VPS13D: variants seen among roughly 807,000 people sequenced by gnomAD.
VPS13D encodes intermembrane lipid transfer protein VPS13D.
A neutral mutation model predicts 461.9 loss-of-function variants in VPS13D; 187 were observed. The observed-to-expected ratio is 0.40, with a 90% CI of 0.36 to 0.46. The LOEUF (loss-of-function observed/expected upper bound fraction) is 0.46. Among genes scored for constraint, VPS13D ranks in the 20% least tolerant of loss-of-function variants. VPS13D has a pLI of 0.60. For missense variants in VPS13D, 4,711 were observed against 5,364.9 expected (o/e 0.88, Z 3.81); for synonymous variants, 1,951 against 1,986.3 (o/e 0.98, Z 0.47).
At chr1:12,488,539 A>G (rs767876477) in intron 67 of VPS13D, among the ~76,000 whole-genome samples, 11 of 152,304 alleles carry the variant, frequency 7.2e-5, no homozygotes, top group Non-Finnish European at 1.5e-4. Flanking sequence ...TAGATAATAT[A>G]TAAACATTGA....
intron 66 of VPS13D, among the ~76,000 whole-genome samples, chr1:12,459,626 G>A (rs1441607403): frequency 1.3e-5 from 2 of 151,780 alleles, no homozygotes; most frequent in East Asian, 1.9e-4. Context: ...CTACAGGCAC[G>A]CATCACCACG....
At position 12,507,316 on chromosome 1, in the gene VPS13D, G is replaced by A; in HGVS notation, c.13035+223G>A. The A allele has an allele frequency of 6.3e-6, 5 of 788,964 alleles. No homozygotes were observed. The highest frequency in any genetic ancestry group is 1.1e-5 in the Non-Finnish European group (5 of 446,190). 48.9% of individuals were successfully genotyped at this position (788,964 alleles called of 1,614,324 possible). On this transcript the variant is annotated intron_variant, in intron 69 of 69. Coordinates refer to ENST00000620676, the MANE Select transcript of VPS13D (RefSeq NM_015378.4). The surrounding 1 kb of genome is among the most constrained non-coding windows in gnomAD (Gnocchi z 5.3). Reference sequence around the variant, plus strand: ...ATGGGTGACCCTGGGAACATTAACTGCCTCACAACGTTTGTGCCTCAGTTA... The same window carrying A: ...ATGGGTGACCCTGGGAACATTAACTACCTCACAACGTTTGTGCCTCAGTTA...
chr1:12,453,489 C>G (rs999764933), intron 65 of VPS13D, among the ~76,000 whole-genome samples: 3 of 152,256 alleles, frequency 2.0e-5, no homozygotes, highest in African/African-American at 7.2e-5. Flanking sequence ...TGGAGACACA[C>G]AGGACATGGG....
At position 12,333,234 on chromosome 1, in the gene VPS13D, C is replaced by T. The variant is rs1643374610; in HGVS notation, c.8296C>T (p.Pro2766Ser). 6.2e-7 allele frequency: 1 copy of T among 1,613,456 alleles called. No individual in the cohort carries two copies. ...TTCCTGTGTTCTTTTAGGCTGGGAG[C>T]CATTTATTGAGCCTTGGCCATGCTC... Reference protein sequence around the residue: ...YYNRALSGWEPFIEPWPCSVS... With the variant: ...YYNRALSGWESFIEPWPCSVS... The change falls in exon 38 of 70, where the codon CCA becomes TCA. Residue 2766 changes from proline (P) to serine (S), a missense_variant. This residue lies in a region of VPS13D where 4,411 missense variants were observed against 4,937.8 expected (regional missense o/e 0.89). Transcript: ENST00000620676.
Position 12,341,902 on chromosome 1 carries a change from T to C in VPS13D, c.8732+17T>C. 6.2e-7 allele frequency: 1 copy of C among 1,612,398 alleles called. No individual in the cohort carries two copies. The highest frequency in any genetic ancestry group is 8.5e-7 in the Non-Finnish European group (1 of 1,178,800). On this transcript the variant is annotated intron_variant, in intron 41 of 69. Coordinates refer to ENST00000620676, the MANE Select transcript of VPS13D (RefSeq NM_015378.4). ...ACCCACCAGGTAAGCAGTCAGTTTA[T>C]ATTACCCCGAGTCATCTCTGCCACC... is the stretch of plus-strand genomic sequence containing the variant.
At chr1:12,429,682 G>A (rs1291728924) in intron 65 of VPS13D, among the ~76,000 whole-genome samples, 1 of 152,186 alleles carries the variant, frequency 6.6e-6, no homozygotes. Context: ...TAGCAATACA[G>A]ACAGGAAAAG....
chr1:12,346,774 T>C (rs1231263140), intron 44 of VPS13D, 122 bp downstream of exon 44: 5 of 946,058 alleles, frequency 5.3e-6, no homozygotes, highest in Non-Finnish European at 7.6e-6. Context: ...TTGAAATTTA[T>C]CTCTGCCCTT....
Position 12,378,527 on chromosome 1 carries a change from G to T in VPS13D, c.11017G>T (p.Ala3673Ser). 6.2e-7 allele frequency: 1 copy of T among 1,610,950 alleles called. No homozygotes were observed. The highest frequency in any genetic ancestry group is 8.5e-7 in the Non-Finnish European group (1 of 1,178,580). Residue 3673 changes from alanine to serine, a missense_variant, in exon 56 of 70, where the codon GCC becomes TCC. Ala to Ser is a moderately conservative substitution (Grantham distance 99). Around this residue, in one of 3 missense-constraint regions of VPS13D, gnomAD observed 4,411 missense variants for 4,937.8 expected, o/e 0.89. Transcript: ENST00000620676. ...TCACAATCCCAATAAGCCCTCAGCC[G>T]CCCGCTCCACCGAGGGGTCTGCCAT... ...VPHNPNKPSAARSTEGSAILD... is the reference protein window; with the variant it reads ...VPHNPNKPSASRSTEGSAILD...
chr1:12,351,069 C>G (rs552959134), intron 46 of VPS13D, among the ~76,000 whole-genome samples: 1 of 152,258 alleles, frequency 6.6e-6, no homozygotes, highest in Non-Finnish European at 1.5e-5. Flanking sequence ...ACAAAGAACA[C>G]TATAGGCCCA....
At chr1:12,396,701 C>T (rs185353273) in intron 60 of VPS13D, among the ~76,000 whole-genome samples, 3 of 152,242 alleles carry the variant, frequency 2.0e-5, no homozygotes, top group East Asian at 1.9e-4. Flanking sequence ...TCCAGATTGT[C>T]GAGGCCAGAA....
intron 57 of VPS13D, among the ~76,000 whole-genome samples, chr1:12,381,972 T>A (rs1570052768): frequency 7.1e-6 from 1 of 140,070 alleles, no homozygotes; most frequent in Admixed American, 7.4e-5. Context: ...CTTTCTTTCT[T>A]TCTTTCTTTC....
In VPS13D at chr1:12,314,294, C is replaced by G. The variant is rs1263185256; in HGVS notation, c.7115C>G (p.Thr2372Ser). 8 of 1,614,060 alleles carry G rather than the reference C, an allele frequency of 5.0e-6. No individual in the cohort carries two copies. The highest frequency in any genetic ancestry group is 6.8e-6 in the Non-Finnish European group (8 of 1,180,020). Residue 2372 changes from threonine (T) to serine (S), a missense_variant, in exon 30 of 70, where the codon ACC (threonine) becomes AGC (serine). Physicochemically the swap from Thr to Ser is moderately conservative, Grantham distance 58. Around this residue, in one of 3 missense-constraint regions of VPS13D, gnomAD observed 4,411 missense variants for 4,937.8 expected, o/e 0.89. Transcript: ENST00000620676. Reference protein sequence around the residue: ...IFQPAKNSSTTQGSIQIELHF... With the variant: ...IFQPAKNSSTSQGSIQIELHF... ...CAGCCCGCTAAGAACAGCAGCACCA[C>G]CCAAGGGTCCATTCAGATTGAACTA...
intron 68 of VPS13D, among the ~76,000 whole-genome samples, chr1:12,500,750 C>T (rs1044666808): frequency 1.3e-5 from 2 of 151,338 alleles, no homozygotes; most frequent in Non-Finnish European, 1.5e-5. Flanking sequence ...GATGAGGTCT[C>T]GCCATGTTGC....
rs183571423 is a variant in VPS13D at position 12,337,591 on chromosome 1, G to C, written c.8552-640G>C. On this transcript the variant is annotated intron_variant, in intron 39 of 69. Transcript: ENST00000620676. The stretch of plus-strand genomic sequence containing the variant: ...AAAATTGTTGGCTTTGTTCAGTCAG[G>C]GCTGAGATTTTGCAGGTAAACCTGG... 3.3e-5 allele frequency: 5 copies of C among 152,290 alleles called. No individual in the cohort carries two copies. The East Asian group carries it at 7.7e-4, about 23-fold the overall frequency. The allele number at this position is 152,290 out of a possible 1,614,324, so 9.4% of individuals were successfully genotyped here. A position where few individuals can be genotyped will look rare whatever the true frequency, so the allele number is the denominator to read the frequency against.
At chr1:12,501,340 A>G (rs1646032606) in intron 68 of VPS13D, among the ~76,000 whole-genome samples, 1 of 152,218 alleles carries the variant, frequency 6.6e-6, no homozygotes, top group Non-Finnish European at 1.5e-5. Flanking sequence ...AATAGAATTT[A>G]TTAGCTTCCA....
At chr1:12,474,604 C>T (rs947277093) in intron 67 of VPS13D, among the ~76,000 whole-genome samples, 2 of 152,182 alleles carry the variant, frequency 1.3e-5, no homozygotes, top group Non-Finnish European at 2.9e-5. Context: ...CCTTTTATTT[C>T]ACGATTTCTG....
At chr1:12,312,058 T>TGACCACCG in intron 29 of VPS13D, 133 bp downstream of exon 29, 2 of 558,346 alleles carry the variant, frequency 3.6e-6, no homozygotes, top group South Asian at 3.8e-5. Context: ...TGTCTTTTGG[T>TGACCACCG]TGATCTACAC....
chr1:12,260,086 C>T (rs1243694737), intron 10 of VPS13D, among the ~76,000 whole-genome samples: 9 of 136,068 alleles, frequency 6.6e-5, no homozygotes, highest in Non-Finnish European at 1.2e-4. Context: ...AGTGCAGTGG[C>T]GCCATCTCCA....
intron 68 of VPS13D, among the ~76,000 whole-genome samples, chr1:12,503,799 C>T (rs938299137): frequency 6.6e-6 from 1 of 152,154 alleles, no homozygotes; most frequent in Non-Finnish European, 1.5e-5. Context: ...CAAAAGCAGG[C>T]CTTGCGGGAA....
Sources: gnomAD v4.1 joint callset for allele counts (sites outside exome capture counted in the v4.1 genomes callset) on GRCh38, gnomAD v4.1.1 for gene constraint, gnomAD v4.1.1 regional missense constraint, Gnocchi (gnomAD v3.1) non-coding constraint, MANE v1.5 for transcripts, NCBI Gene and HGNC (gene_info 2026-07-23, HGNC 2026-07-21) for gene names.